The following SH3RF2 variants were observed in gnomAD, a reference collection of about 807,000 sequenced individuals.
SH3RF2 encodes E3 ubiquitin-protein ligase SH3RF2.
In SH3RF2, 43 loss-of-function variants were observed where a neutral mutation model predicts 59.0. The ratio of observed to expected loss-of-function variants is 0.73; its 90% CI spans 0.57 to 0.94. The LOEUF (loss-of-function observed/expected upper bound fraction) is 0.94. Among genes scored for constraint, SH3RF2 ranks in the 40% least tolerant of loss-of-function variants. The pLI is 0.00. For missense variants in SH3RF2, 930 were observed against 940.1 expected, an observed-to-expected ratio of 0.99 and a Z score of 0.14; for synonymous variants, 391 against 391.5, an observed-to-expected ratio of 1.00 and a Z score of 0.01.
At position 146,013,930 on chromosome 5, in the gene SH3RF2, C is replaced by A; in HGVS notation, c.928C>A (p.Arg310=). The part of the protein sequence containing the change: ...SITTALNTLN[R]MVHSPSGRHM... ...CACAACAGCCTTGAACACTCTCAAC[C>A]GGATGGTCCATTCTCCTTCAGGGCG... is the stretch of plus-strand genomic sequence containing the variant. The change falls in exon 5 of 10, where the codon CGG becomes AGG. Residue 310 remains arginine (R), a synonymous_variant. Coordinates refer to ENST00000359120, the MANE Select transcript of SH3RF2 (RefSeq NM_152550.4). 1 of 1,614,124 alleles carries A rather than the reference C, an allele frequency of 6.2e-7. No homozygotes were observed. Among genetic ancestry groups the A allele is most frequent in the East Asian group, 2.2e-5 (1 of 44,874 alleles).
chr5:146,047,986 C>T (rs1762368631), intron 6 of SH3RF2, 123 bp downstream of exon 6: 2 of 894,558 alleles, frequency 2.2e-6, no homozygotes, highest in African/African-American at 1.7e-5. Context: ...AGGTCGCCTT[C>T]CTTTACCACT....
At chr5:146,049,025 C>A (rs748766750) in intron 6 of SH3RF2, 50 bp from the exon 7 acceptor site, 2 of 1,605,198 alleles carry the variant, frequency 1.2e-6, no homozygotes, top group Non-Finnish European at 1.7e-6. Context: ...CCATGCCCCC[C>A]ATCAGGCACG....
At chr5:146,015,571 G>A (rs1761073297) in intron 5 of SH3RF2, among the ~76,000 whole-genome samples, 1 of 152,186 alleles carries the variant, frequency 6.6e-6, no homozygotes. Context: ...TATATAAAGT[G>A]CAGCCCACAC....
At chr5:145,975,765 T>G (rs1489018750) in intron 2 of SH3RF2, among the ~76,000 whole-genome samples, 1 of 152,248 alleles carries the variant, frequency 6.6e-6, no homozygotes, top group Non-Finnish European at 1.5e-5. Flanking sequence ...TGTTGAATCA[T>G]TCCCCTACTG....
chr5:145,986,336 AG>A (rs1759704241), intron 2 of SH3RF2, among the ~76,000 whole-genome samples: 1 of 152,108 alleles, frequency 6.6e-6, no homozygotes, highest in African/African-American at 2.4e-5. Context: ...TAGTGGTGGG[AG>A]GGTTGTTTGA....
At chr5:146,020,750 T>C (rs1372970148) in intron 5 of SH3RF2, among the ~76,000 whole-genome samples, 2 of 151,912 alleles carry the variant, frequency 1.3e-5, no homozygotes, top group African/African-American at 2.4e-5. Context: ...TGCTCTTGAG[T>C]TTCCAAACCC....
chr5:146,022,382 A>G (rs1295854202), intron 5 of SH3RF2, among the ~76,000 whole-genome samples: 1 of 152,064 alleles, frequency 6.6e-6, no homozygotes, highest in Non-Finnish European at 1.5e-5. Context: ...TAATTTTTGT[A>G]TTATGAAGAG....
intron 2 of SH3RF2, among the ~76,000 whole-genome samples, chr5:145,942,374 C>T (rs1757849083): frequency 6.6e-6 from 1 of 152,180 alleles, no homozygotes; most frequent in East Asian, 1.9e-4. Flanking sequence ...CTTACTTGCC[C>T]CTTATCAGCA....
downstream of SH3RF2, among the ~76,000 whole-genome samples, chr5:146,064,807 G>A (rs60211865): frequency 0.24 from 4,304 of 17,642 alleles, 766 homozygotes; most frequent in Non-Finnish European, 0.32. Context: ...AAGGAAGGAA[G>A]GAAAGAAAGA....
chr5:145,990,491 A>G (rs535763096), intron 2 of SH3RF2, among the ~76,000 whole-genome samples: 1 of 152,300 alleles, frequency 6.6e-6, no homozygotes, highest in Non-Finnish European at 1.5e-5. Context: ...TGTGTGTATG[A>G]TGTGGCCAGG....
intron 2 of SH3RF2, among the ~76,000 whole-genome samples, chr5:145,948,318 G>A (rs1758068502): frequency 6.6e-6 from 1 of 152,204 alleles, no homozygotes; most frequent in Non-Finnish European, 1.5e-5. Context: ...TTTAAAACTA[G>A]GCATCAACAG....
intron 2 of SH3RF2, among the ~76,000 whole-genome samples, chr5:145,965,121 A>G (rs977362934): frequency 6.6e-6 from 1 of 152,002 alleles, no homozygotes. Context: ...TGAACCCAGG[A>G]GGCAGAGGTT....
At chr5:146,040,969 C>T (rs569805890) in intron 5 of SH3RF2, among the ~76,000 whole-genome samples, 2 of 152,162 alleles carry the variant, frequency 1.3e-5, no homozygotes, top group African/African-American at 4.8e-5. Flanking sequence ...GTGACAGGAA[C>T]GGTGGTCATC....
intron 5 of SH3RF2, among the ~76,000 whole-genome samples, chr5:146,027,259 A>G (rs1189204796): frequency 6.6e-6 from 1 of 152,258 alleles, no homozygotes; most frequent in Non-Finnish European, 1.5e-5. Flanking sequence ...AATGCAGGAA[A>G]AAAAAGACTT....
intron 2 of SH3RF2, among the ~76,000 whole-genome samples, chr5:145,984,713 G>A (rs141379695): frequency 1.1e-4 from 16 of 152,286 alleles, no homozygotes; most frequent in African/African-American, 3.6e-4. Context: ...ACAGCCACTC[G>A]CTCCTTCCAT....
chr5:146,011,122 T>C (rs528967302), intron 4 of SH3RF2, among the ~76,000 whole-genome samples: 42 of 152,346 alleles, frequency 2.8e-4, no homozygotes, highest in African/African-American at 7.5e-4. Flanking sequence ...CCCAGCACCA[T>C]TTATTAAATA....
chr5:146,061,134 G>C (rs1762875502), intron 9 of SH3RF2, among the ~76,000 whole-genome samples: 1 of 152,160 alleles, frequency 6.6e-6, no homozygotes, highest in Non-Finnish European at 1.5e-5. Context: ...GGCAGGCACT[G>C]TGCTGAGTAC....
In SH3RF2 at chr5:145,972,323, G is replaced by A. The variant is rs577324888; in HGVS notation, c.379-27735G>A. On this transcript the variant is annotated intron_variant, in intron 2 of 9. Coordinates refer to ENST00000359120, the MANE Select transcript of SH3RF2 (RefSeq NM_152550.4). ...TGGGGAATATTCCAGCATCCCATCA[G>A]AATAGCAAAGGCTCTGTTTCTACTC... is the stretch of plus-strand genomic sequence containing the variant. Among the ~76,000 whole-genome samples the A allele has an allele frequency of 2.9e-4, 44 of 152,314 alleles. 2 individuals are homozygous for A. In the South Asian group the frequency reaches 8.7e-3, roughly 30 times the overall value.
intron 9 of SH3RF2, 105 bp downstream of exon 9, chr5:146,060,329 A>C: frequency 9.2e-7 from 1 of 1,084,024 alleles, no homozygotes; most frequent in Non-Finnish European, 1.3e-6. Context: ...CCAAAATTGC[A>C]GCCTCGAAAG....
Sources: gnomAD v4.1 joint callset for allele counts (sites outside exome capture counted in the v4.1 genomes callset) on GRCh38, gnomAD v4.1.1 for gene constraint, MANE v1.5 for transcripts, NCBI Gene and HGNC (gene_info 2026-07-23, HGNC 2026-07-21) for gene names.